ITGAV: variants seen among roughly 807,000 people sequenced by gnomAD.
The protein encoded by ITGAV is integrin alpha-V.
Under a neutral mutation model 143.8 loss-of-function variants are expected in ITGAV, and 76 were observed. That is an observed-to-expected ratio of 0.53 (90% confidence interval 0.44 to 0.64). The LOEUF (loss-of-function observed/expected upper bound fraction) is 0.64. Ranked by LOEUF, ITGAV falls within the 30% of genes least tolerant of loss-of-function variation. ITGAV has a pLI of 0.00. For synonymous variants in ITGAV, 453 were observed against 446.7 expected, an observed-to-expected ratio of 1.01 and a Z score of -0.18; for missense variants, 1,193 against 1,274.7, an observed-to-expected ratio of 0.94 and a Z score of 0.98.
At position 186,607,581 on chromosome 2, in the gene ITGAV, GA is replaced by G. The variant is rs753221713; in HGVS notation, c.316+5431del. 5.9e-5 allele frequency among the ~76,000 whole-genome samples: 9 copies of G among 151,826 alleles called. 1 individual carries two copies. Among genetic ancestry groups the G allele is most frequent in the Middle Eastern group, 3.4e-3 (1 of 292 alleles). ...TTAGACTCTTACTCATATGTGTGTG[GA>G]CAAAAAAAAATCTATTGTTCTTTTT... On this transcript the variant is annotated intron_variant, in intron 2 of 29. Transcript: ENST00000261023.
chr2:186,636,418 A>G (rs1318945740), intron 7 of ITGAV, among the ~76,000 whole-genome samples: 3 of 152,096 alleles, frequency 2.0e-5, no homozygotes, highest in Non-Finnish European at 2.9e-5. Context: ...TTGTGCAGTG[A>G]TAATAATAAT....
Position 186,649,874 on chromosome 2 carries a change from T to TG in ITGAV, c.1386_1387insG (p.Ile463AspfsTer16). ...TAGGAGCTTTTGGTGTAGATCGAGC[T>TG]ATCTTATACAGGTGAGCATTTTCTG... On this transcript the variant is annotated frameshift_variant, in exon 14 of 30. Transcript: ENST00000261023. LOFTEE classifies it high-confidence loss of function. 1 of 1,543,910 alleles carries TG rather than the reference T, an allele frequency of 6.5e-7. No homozygotes were observed. Among genetic ancestry groups the TG allele is most frequent in the Non-Finnish European group, 8.7e-7 (1 of 1,144,358 alleles).
intron 2 of ITGAV, among the ~76,000 whole-genome samples, chr2:186,609,160 T>G (rs1429179892): frequency 6.6e-6 from 1 of 152,170 alleles, no homozygotes; most frequent in East Asian, 1.9e-4. Context: ...CTTTTTCTCC[T>G]TTTGACTGGA....
At chr2:186,599,908 C>T (rs1228863086) in intron 1 of ITGAV, among the ~76,000 whole-genome samples, 3 of 152,184 alleles carry the variant, frequency 2.0e-5, no homozygotes, top group Admixed American at 2.0e-4. Context: ...TCTTTCCACC[C>T]ACCCTCTTAC....
intron 24 of ITGAV, among the ~76,000 whole-genome samples, chr2:186,668,201 TATATATA>T (rs1688958105): frequency 5.1e-4 from 9 of 17,676 alleles, no homozygotes; most frequent in Non-Finnish European, 1.2e-3. Context: ...TATATATATA[TATATATA>T]TATATATATT....
intron 17 of ITGAV, 106 bp downstream of exon 17, chr2:186,656,507 C>A: frequency 1.3e-6 from 1 of 796,124 alleles, no homozygotes; most frequent in African/African-American, 1.8e-5. Context: ...AAAGGAAAAA[C>A]AGAAAAATAC....
chr2:186,644,234 G>A (rs542113049), intron 12 of ITGAV, among the ~76,000 whole-genome samples: 3 of 152,154 alleles, frequency 2.0e-5, no homozygotes, highest in East Asian at 1.9e-4. Flanking sequence ...ATGAGCTACC[G>A]TGGCCAGCCT....
chr2:186,615,229 G>A (rs1687319265), intron 2 of ITGAV, among the ~76,000 whole-genome samples: 1 of 151,968 alleles, frequency 6.6e-6, no homozygotes, highest in African/African-American at 2.4e-5. Flanking sequence ...AGTGTTTTCT[G>A]CTTCTTGGCT....
rs201502494 is a variant in ITGAV, at chr2:186,664,681, G to A, written c.2073+40G>A. 3.2e-5 allele frequency: 51 copies of A among 1,611,978 alleles called. 1 individual carries two copies. The South Asian group carries it at 4.0e-4, about 13-fold the overall frequency. On this transcript the variant is annotated intron_variant, in intron 20 of 29. Transcript: ENST00000261023. ...TCTTTAAAAATTGAAATGCACTCAC[G>A]GATCTTATTAACATTAATGAGCTGT...
chr2:186,656,190 A>G, intron 16 of ITGAV, 57 bp from the exon 17 acceptor site: 1 of 1,303,632 alleles, frequency 7.7e-7, no homozygotes, highest in Non-Finnish European at 1.1e-6. Context: ...ACTCTAGAGT[A>G]GGATAGATAG....
intron 2 of ITGAV, among the ~76,000 whole-genome samples, chr2:186,603,961 C>A (rs1236596003): frequency 6.6e-6 from 1 of 151,692 alleles, no homozygotes; most frequent in Non-Finnish European, 1.5e-5. Context: ...ACCTCCCAGA[C>A]TCAAGTGATC....
intron 12 of ITGAV, among the ~76,000 whole-genome samples, chr2:186,643,876 T>C (rs1269063878): frequency 6.6e-6 from 1 of 152,244 alleles, no homozygotes; most frequent in Non-Finnish European, 1.5e-5. Context: ...AAGTTACAGA[T>C]AATTTTTATT....
rs200705825 is a variant in ITGAV, at chr2:186,652,047, A to G, written c.1463A>G (p.Asn488Ser). The change falls in exon 15 of 30, where the codon AAT (asparagine) becomes AGT (serine). Residue 488 changes from asparagine (N) to serine (S), a missense_variant. Physicochemically the swap from Asn to Ser is conservative, Grantham distance 46. Transcript: ENST00000261023. ...TACCCTAGCATTTTAAATCAAGACA[A>G]TAAAACCTGCTCACTGCCTGGAACA... ...EVYPSILNQD[N>S]KTCSLPGTAL... The G allele has an allele frequency of 2.5e-4, 398 of 1,613,388 alleles. 1 individual carries two copies. The highest frequency in any genetic ancestry group is 3.2e-4 in the Non-Finnish European group (382 of 1,179,496).
At chr2:186,598,788 A>G (rs1045860734) in intron 1 of ITGAV, among the ~76,000 whole-genome samples, 27 of 152,142 alleles carry the variant, frequency 1.8e-4, no homozygotes, top group Non-Finnish European at 2.6e-4. Flanking sequence ...TCTACCCAGA[A>G]TCATTTTGCC....
intron 12 of ITGAV, among the ~76,000 whole-genome samples, chr2:186,642,533 TTC>T (rs1392903654): frequency 3.1e-5 from 4 of 128,456 alleles, no homozygotes; most frequent in Non-Finnish European, 3.1e-5. Context: ...TTTCTTTTTT[TTC>T]TTTTTTTTTT....
chr2:186,658,761 GGT>G (rs113296720), intron 17 of ITGAV, among the ~76,000 whole-genome samples: 3 of 151,078 alleles, frequency 2.0e-5, no homozygotes, highest in African/African-American at 7.4e-5. Flanking sequence ...TATTATGTTG[GGT>G]GTGTGTGTTT....
chr2:186,605,265 C>T (rs143832138), intron 2 of ITGAV, among the ~76,000 whole-genome samples: 10 of 152,302 alleles, frequency 6.6e-5, no homozygotes, highest in Middle Eastern at 3.4e-3. Flanking sequence ...ACTCTGCTTC[C>T]TCCCTTTGAT....
At chr2:186,638,141 T>C (rs1351961647) in intron 8 of ITGAV, 136 bp from the exon 9 acceptor site, 25 of 706,260 alleles carry the variant, frequency 3.5e-5, no homozygotes, top group Non-Finnish European at 2.2e-5. Flanking sequence ...TATTACGGAG[T>C]ACCAATTTTT....
At chr2:186,616,688 C>T (rs1378599014) in intron 2 of ITGAV, among the ~76,000 whole-genome samples, 1 of 152,084 alleles carries the variant, frequency 6.6e-6, no homozygotes, top group African/African-American at 2.4e-5. Flanking sequence ...ATTTATTGCT[C>T]TCTGAAAATA....
Sources: allele counts gnomAD v4.1 joint callset (sites outside exome capture counted in the v4.1 genomes callset), GRCh38; gene constraint gnomAD v4.1.1; transcripts MANE v1.5; gene names NCBI Gene and HGNC (gene_info 2026-07-23, HGNC 2026-07-21).